Variants in SPATA21 observed in about 807,000 individuals in gnomAD.
SPATA21 encodes the protein spermatogenesis-associated protein 21.
A neutral mutation model predicts 54.8 loss-of-function variants in SPATA21; 47 were observed. That is an observed-to-expected ratio of 0.86 (90% CI 0.68 to 1.09). The LOEUF (loss-of-function observed/expected upper bound fraction) is 1.09, where lower values mean the gene tolerates loss of function less well. Among genes scored for constraint, SPATA21 ranks in the 50% least tolerant of loss-of-function variants. The pLI is 0.00. For missense variants in SPATA21, 599 were observed against 596.4 expected, an observed-to-expected ratio of 1.00 and a Z score of -0.05; for synonymous variants, 245 against 235.3, an observed-to-expected ratio of 1.04 and a Z score of -0.38.
chr1:16,431,434 A>G lies in SPATA21; in HGVS notation c.-51-12T>C. On this transcript the variant is annotated splice_polypyrimidine_tract_variant and intron_variant, in intron 2 of 12. Coordinates refer to ENST00000335496, the MANE Select transcript of SPATA21 (RefSeq NM_198546.1). ...CACCTAGTGTGCTCCTACAGGAGAA[A>G]TCCAATCAAGCGTCCCACCAAGCCC... 40 of 1,604,554 alleles carry G rather than the reference A, an allele frequency of 2.5e-5. No homozygotes were observed. Among genetic ancestry groups the G allele is most frequent in the Non-Finnish European group, 3.3e-5 (39 of 1,174,646 alleles).
chr1:16,400,416 A>ATT, intron 11 of SPATA21: 2 of 1,086,360 alleles, frequency 1.8e-6, no homozygotes, highest in Non-Finnish European at 2.2e-6. Context: ...GGCACTCAAT[A>ATT]AACAGTGAGC....
At chr1:16,412,326 A>G (rs759014327) in intron 5 of SPATA21, among the ~76,000 whole-genome samples, 1 of 152,150 alleles carries the variant, frequency 6.6e-6, no homozygotes, top group Non-Finnish European at 1.5e-5. Flanking sequence ...CAGAGACCCC[A>G]GGTTCCTCTC....
At chr1:16,404,781 T>C (rs513145) in intron 8 of SPATA21, among the ~76,000 whole-genome samples, 186 bp downstream of exon 8, 71,274 of 152,110 alleles carry the variant, frequency 0.47, 17,252 homozygotes, top group East Asian at 0.68. Context: ...TTATACTCAG[T>C]CTGAGCAACA....
intron 1 of SPATA21, among the ~76,000 whole-genome samples, chr1:16,435,255 G>GA (rs1459933518): frequency 2.6e-5 from 4 of 152,066 alleles, no homozygotes; most frequent in Admixed American, 1.3e-4. Context: ...GATAATGTTG[G>GA]ACATCTTCAT....
Position 16,405,064 on chromosome 1 carries a change from C to T in SPATA21, c.714G>A (p.Glu238=), listed in dbSNP as rs772863484. 1.9e-6 allele frequency: 3 copies of T among 1,609,864 alleles called. No homozygotes were observed. The highest frequency in any genetic ancestry group is 1.1e-5 in the South Asian group (1 of 90,102). The part of the protein sequence containing the change: ...SYFEIFNGPG[E]VDAQSLKNIL... ...TATTCTTCAGGCTCTGTGCATCCAC[C>T]TCACCAGGACCATTGAAGATCTCAA... The change falls in exon 8 of 13, where the codon GAG becomes GAA. Residue 238 remains glutamate, a synonymous_variant. Transcript: ENST00000335496.
intron 7 of SPATA21, among the ~76,000 whole-genome samples, chr1:16,407,078 A>C (rs1333961470): frequency 6.6e-6 from 1 of 152,246 alleles, no homozygotes; most frequent in African/African-American, 2.4e-5. Flanking sequence ...CCCTCTTGGA[A>C]GTATTCTATG....
chr1:16,432,784 T>A lies in SPATA21; in HGVS notation c.-52+6A>T, dbSNP rs2086491130. 1.3e-5 allele frequency: 2 copies of A among 152,274 alleles called. No homozygotes were observed. The highest frequency in any genetic ancestry group is 4.8e-5 in the African/African-American group (2 of 41,440). The allele number at this position is 152,274 out of a possible 1,614,324, so 9.4% of individuals were successfully genotyped here. On this transcript the variant is annotated splice_donor_region_variant and intron_variant, in intron 2 of 12. Transcript: ENST00000335496. The stretch of plus-strand genomic sequence containing the variant: ...GCCCCTTCCTCCTGTAGTGAGACCA[T>A]ATGACCTTGAAGATCTTGATGGTGC...
chr1:16,420,585 G>T (rs1266106505), intron 5 of SPATA21, among the ~76,000 whole-genome samples: 1 of 152,094 alleles, frequency 6.6e-6, no homozygotes, highest in Non-Finnish European at 1.5e-5. Flanking sequence ...TATGCTGATG[G>T]AATCGTCCTG....
chr1:16,403,874 C>T lies in SPATA21; in HGVS notation c.884-30G>A, dbSNP rs756474146. On this transcript the variant is annotated intron_variant, in intron 9 of 12. Transcript: ENST00000335496. ...AGACATGGGATAGTGGCTGCCGTTA[C>T]CACTGGGCAGTCCTGAATGCCCTCT... is the stretch of plus-strand genomic sequence containing the variant. 2.5e-6 allele frequency: 4 copies of T among 1,609,822 alleles called. No individual in the cohort carries two copies. In the South Asian group the frequency reaches 4.4e-5, roughly 18 times the overall value.
chr1:16,424,204 T>C (rs1570190951), intron 3 of SPATA21, among the ~76,000 whole-genome samples: 1 of 136,348 alleles, frequency 7.3e-6, no homozygotes, highest in Admixed American at 7.8e-5. Flanking sequence ...TCCCAGCACT[T>C]TGGGAGGCTG....
downstream of SPATA21, chr1:16,396,811 GGCCAGCT>G (rs1334808681): frequency 1.3e-5 from 2 of 152,340 alleles, no homozygotes; most frequent in Non-Finnish European, 2.9e-5. Flanking sequence ...CCGGAGGAAG[GGCCAGCT>G]GCCAGCTGAG....
At chr1:16,436,243 G>A (rs1192533477) in intron 1 of SPATA21, among the ~76,000 whole-genome samples, 6 of 151,984 alleles carry the variant, frequency 3.9e-5, no homozygotes, top group African/African-American at 7.2e-5. Flanking sequence ...AGAATTAGCC[G>A]GGCATGGTGG....
At chr1:16,415,115 T>A (rs1266119936) in intron 5 of SPATA21, among the ~76,000 whole-genome samples, 2 of 152,160 alleles carry the variant, frequency 1.3e-5, no homozygotes, top group Non-Finnish European at 2.9e-5. Context: ...GGCAGGTGGA[T>A]CGCTTGAGCT....
intron 5 of SPATA21, among the ~76,000 whole-genome samples, chr1:16,416,195 G>A (rs978841472): frequency 6.6e-6 from 1 of 152,166 alleles, no homozygotes; most frequent in Non-Finnish European, 1.5e-5. Context: ...GCCCAGCCTC[G>A]GGGTGCTCTA....
chr1:16,407,771 A>C (rs1265343993), intron 7 of SPATA21, among the ~76,000 whole-genome samples: 1 of 146,774 alleles, frequency 6.8e-6, no homozygotes, highest in East Asian at 2.0e-4. Flanking sequence ...GTTGTATATT[A>C]TTTTATTTTT....
rs1286193402 is a variant in SPATA21, at chr1:16,427,953, C to G, written c.34+3385G>C. ...CTCTGAGTCTGGGCCCCTTCTCTGG[C>G]CCTCGTGAAGCTGATGAGAGGTGCT... On this transcript the variant is annotated intron_variant, in intron 3 of 12. Transcript: ENST00000335496. 2.6e-6 allele frequency: 4 copies of G among 1,550,152 alleles called. No individual in the cohort carries two copies. In the East Asian group the frequency reaches 9.8e-5, roughly 38 times the overall value.
intron 2 of SPATA21, among the ~76,000 whole-genome samples, chr1:16,432,096 TTTCTTCTTCTTC>T (rs1291767864): frequency 6.7e-6 from 1 of 148,210 alleles, no homozygotes; most frequent in Admixed American, 6.9e-5. Context: ...TTCTTTTTCT[TTTCTTCTTCTTC>T]TTCTTCTTTT....
intron 5 of SPATA21, among the ~76,000 whole-genome samples, chr1:16,415,664 A>G (rs1016543421): frequency 1.1e-4 from 17 of 151,998 alleles, no homozygotes; most frequent in Non-Finnish European, 2.1e-4. Flanking sequence ...GGTTCACGCC[A>G]TTCTCCTGCC....
chr1:16,415,336 C>A (rs1281161153), intron 5 of SPATA21, among the ~76,000 whole-genome samples: 2 of 149,510 alleles, frequency 1.3e-5, no homozygotes, highest in East Asian at 3.9e-4. Flanking sequence ...ATGTGACCCT[C>A]AAAAAAAAAA....
Sources: gnomAD v4.1 joint callset for allele counts (sites outside exome capture counted in the v4.1 genomes callset) on GRCh38, gnomAD v4.1.1 for gene constraint, MANE v1.5 for transcripts, NCBI Gene and HGNC (gene_info 2026-07-23, HGNC 2026-07-21) for gene names.